Variants in WDR4 observed in about 807,000 individuals in gnomAD.
The protein encoded by WDR4 is tRNA (guanine-N(7)-)-methyltransferase non-catalytic subunit WDR4.
In WDR4, 47 loss-of-function variants were observed where a neutral mutation model predicts 48.6. That is an observed-to-expected ratio of 0.97 (90% confidence interval 0.77 to 1.23). The LOEUF is 1.23. Among genes scored for constraint, WDR4 ranks in the 50% most tolerant of loss-of-function variants. The pLI is 0.00. For synonymous variants in WDR4, 268 were observed against 230.0 expected, an observed-to-expected ratio of 1.17 and a Z score of -1.49; for missense variants, 606 against 551.6, an observed-to-expected ratio of 1.10 and a Z score of -0.99.
At chr21:42,866,511 G>C (rs1261692693) in intron 3 of WDR4, among the ~76,000 whole-genome samples, 1 of 152,140 alleles carries the variant, frequency 6.6e-6, no homozygotes, top group Non-Finnish European at 1.5e-5. Context: ...CGGTTTTCTG[G>C]GGAGCGGGTG....
chr21:42,859,558 C>CCAGGGGCCAGTGATCCA (rs1555975332), intron 6 of WDR4, 104 bp downstream of exon 6: 22 of 820,490 alleles, frequency 2.7e-5, no homozygotes, highest in African/African-American at 2.4e-4. Context: ...CCACAGCCAG[C>CCAGGGGCCAGTGATCCA]CAGGGGCCAG....
intron 3 of WDR4, among the ~76,000 whole-genome samples, chr21:42,870,006 T>C (rs1601165593): frequency 1.6e-5 from 2 of 122,920 alleles, no homozygotes; most frequent in Admixed American, 8.3e-5. Flanking sequence ...ACAGCGAAAC[T>C]CCATCTCAAA....
the WDR4 span, among the ~76,000 whole-genome samples, chr21:42,888,537 G>A: frequency 6.6e-6 from 1 of 151,950 alleles, no homozygotes; most frequent in Non-Finnish European, 1.5e-5. Flanking sequence ...TCCAGCCTGG[G>A]TGACAGAGTG....
chr21:42,872,729 G>A (rs1261563032), intron 3 of WDR4, among the ~76,000 whole-genome samples: 1 of 152,098 alleles, frequency 6.6e-6, no homozygotes. Flanking sequence ...GAGGTCAGGA[G>A]TTCAAGAGCT....
intron 9 of WDR4, 79 bp from the exon 10 acceptor site, chr21:42,852,403 C>A: frequency 6.6e-7 from 1 of 1,504,570 alleles, no homozygotes. Flanking sequence ...CACATGCTGG[C>A]CAGAGAGGCT....
chr21:42,879,508 C>A lies in WDR4; in HGVS notation c.-13G>T, dbSNP rs755752070. The A allele has an allele frequency of 6.2e-7, 1 of 1,613,010 alleles. No homozygotes were observed. The highest frequency in any genetic ancestry group is 2.2e-5 in the East Asian group (1 of 44,854). ...CAGAGCCCGCCATGTACCCGCCCGCCTCACCGCCATACACATGTGCCAGCC... is the reference window on the plus strand; with the variant it reads ...CAGAGCCCGCCATGTACCCGCCCGCATCACCGCCATACACATGTGCCAGCC... On this transcript the variant is annotated 5_prime_UTR_variant, in exon 1 of 11. In the 5' UTR this introduces an upstream ATG that the reference lacks. Transcript: ENST00000398208.
intron 3 of WDR4, among the ~76,000 whole-genome samples, chr21:42,867,880 G>A (rs143575235): frequency 1.3e-5 from 2 of 152,094 alleles, no homozygotes; most frequent in Non-Finnish European, 2.9e-5. Context: ...AGTTTTACCA[G>A]GTGCTTCCAT....
intron 1 of WDR4, chr21:42,878,952 G>A (rs553198904): frequency 7.1e-6 from 7 of 990,640 alleles, no homozygotes; most frequent in Admixed American, 1.2e-4. Flanking sequence ...CGCGCTTGGA[G>A]GTCAGTGAGC....
chr21:42,870,813 C>T (rs548297080), intron 3 of WDR4, among the ~76,000 whole-genome samples: 1 of 152,224 alleles, frequency 6.6e-6, no homozygotes, highest in African/African-American at 2.4e-5. Context: ...AAATTACCAT[C>T]AGATTCCCTT....
At chr21:42,866,161 CTG>C (rs2058241033) in intron 3 of WDR4, among the ~76,000 whole-genome samples, 1 of 152,184 alleles carries the variant, frequency 6.6e-6, no homozygotes, top group Admixed American at 6.5e-5. Flanking sequence ...ACTCGTCACC[CTG>C]TGTCCTCATC....
intron 2 of WDR4, among the ~76,000 whole-genome samples, chr21:42,875,357 C>T (rs2058466864): frequency 6.6e-6 from 1 of 152,098 alleles, no homozygotes; most frequent in Non-Finnish European, 1.5e-5. Context: ...CGAGACCATC[C>T]TGGCCAACAT....
chr21:42,864,943 C>T (rs554587513), intron 3 of WDR4, among the ~76,000 whole-genome samples: 2 of 152,228 alleles, frequency 1.3e-5, no homozygotes, highest in Non-Finnish European at 2.9e-5. Flanking sequence ...TGGCAGCACA[C>T]ACTGCCCAAT....
intron 2 of WDR4, among the ~76,000 whole-genome samples, chr21:42,876,166 A>C (rs956489352): frequency 2.0e-5 from 3 of 149,432 alleles, no homozygotes; most frequent in African/African-American, 7.4e-5. Context: ...TGGCTTCCCA[A>C]AGTGCTGAGA....
At chr21:42,874,887 T>C (rs2058456878) in intron 2 of WDR4, among the ~76,000 whole-genome samples, 1 of 152,156 alleles carries the variant, frequency 6.6e-6, no homozygotes, top group African/African-American at 2.4e-5. Flanking sequence ...TTCTATTACC[T>C]TGTGAAGCAT....
the WDR4 span, among the ~76,000 whole-genome samples, chr21:42,887,294 A>AT: frequency 1.1e-3 from 160 of 141,292 alleles, 1 homozygote; most frequent in South Asian, 4.5e-3. Context: ...GCCTGGCCTA[A>AT]TTTTTTTTTT....
At chr21:42,875,062 CTTTA>C (rs2058461126) in intron 2 of WDR4, among the ~76,000 whole-genome samples, 1 of 152,166 alleles carries the variant, frequency 6.6e-6, no homozygotes, top group Non-Finnish European at 1.5e-5. Context: ...TACTCTGTCC[CTTTA>C]TTTCTCAAAC....
chr21:42,856,879 C>A (rs896119761), intron 6 of WDR4, among the ~76,000 whole-genome samples: 1 of 152,070 alleles, frequency 6.6e-6, no homozygotes, highest in Admixed American at 6.5e-5. Flanking sequence ...ACCCCCAAAC[C>A]TCTCTACGAA....
chr21:42,884,845 A>G, the WDR4 span, among the ~76,000 whole-genome samples: 2 of 151,842 alleles, frequency 1.3e-5, no homozygotes, highest in African/African-American at 4.8e-5. Flanking sequence ...GGTGCAATCC[A>G]GCTCACTGCA....
At chr21:42,852,701 AGGGT>A (rs2057866011) in intron 9 of WDR4, among the ~76,000 whole-genome samples, 1 of 152,200 alleles carries the variant, frequency 6.6e-6, no homozygotes, top group Admixed American at 6.5e-5. Flanking sequence ...GGATCACCTG[AGGGT>A]GGGAGTTCAA....
Sources: allele counts gnomAD v4.1 joint callset (sites outside exome capture counted in the v4.1 genomes callset), GRCh38; gene constraint gnomAD v4.1.1; transcripts MANE v1.5; gene names NCBI Gene and HGNC (gene_info 2026-07-23, HGNC 2026-07-21).